FAM184B: variants seen among roughly 807,000 people sequenced by gnomAD.
The protein encoded by FAM184B is family with sequence similarity 184 member B, also known as protein FAM184B.
FAM184B carries 111 observed loss-of-function variants against 135.9 expected under a neutral mutation model. That is an observed-to-expected ratio of 0.82 (90% CI 0.70 to 0.96). The LOEUF is 0.96. Ranked by LOEUF, FAM184B falls within the 40% of genes least tolerant of loss-of-function variation. The probability of loss-of-function intolerance (pLI) is 0.00; values close to 1 mark genes in which losing one functional copy is unlikely to be tolerated. For missense variants in FAM184B, 1,375 were observed against 1,323.9 expected, an observed-to-expected ratio of 1.04 and a Z score of -0.60; for synonymous variants, 552 against 524.8, an observed-to-expected ratio of 1.05 and a Z score of -0.71.
intron 1 of FAM184B, among the ~76,000 whole-genome samples, chr4:17,771,101 C>T (rs189220624): frequency 3.3e-5 from 5 of 152,286 alleles, no homozygotes; most frequent in East Asian, 1.9e-4. Flanking sequence ...AACATTCTTG[C>T]GTCATTTCTC....
intron 1 of FAM184B, among the ~76,000 whole-genome samples, chr4:17,710,770 T>C (rs1020241405): frequency 1.3e-5 from 2 of 152,216 alleles, no homozygotes; most frequent in African/African-American, 2.4e-5. Context: ...TCTTAGGATG[T>C]TGGCCTGAGC....
At chr4:17,661,436 C>T (rs1715918614) in intron 8 of FAM184B, among the ~76,000 whole-genome samples, 1 of 152,078 alleles carries the variant, frequency 6.6e-6, no homozygotes, top group South Asian at 2.1e-4. Flanking sequence ...CCTGTAATCC[C>T]AGCTACTCTG....
intron 1 of FAM184B, among the ~76,000 whole-genome samples, chr4:17,765,641 C>T (rs76500603): frequency 0.028 from 4,314 of 152,326 alleles, 171 homozygotes; most frequent in African/African-American, 0.088. Flanking sequence ...CCTCTCTCTG[C>T]TGACACTGCC....
chr4:17,651,389 T>C (rs1715610454), intron 11 of FAM184B, among the ~76,000 whole-genome samples: 1 of 151,196 alleles, frequency 6.6e-6, no homozygotes, highest in Non-Finnish European at 1.5e-5. Flanking sequence ...TACAGAAAAA[T>C]TAGCCGGGCG....
intron 9 of FAM184B, 39 bp from the exon 10 acceptor site, chr4:17,658,601 G>C (rs547854783): frequency 5.6e-5 from 86 of 1,528,702 alleles, no homozygotes; most frequent in Non-Finnish European, 7.0e-5. Flanking sequence ...TAAGCCCCTT[G>C]CCTTTCCTGG....
At chr4:17,780,349 C>A (rs1201961362) in intron 1 of FAM184B, among the ~76,000 whole-genome samples, 1 of 152,110 alleles carries the variant, frequency 6.6e-6, no homozygotes, top group South Asian at 2.1e-4. Context: ...AGGCAAACAG[C>A]TAAATTCATC....
chr4:17,742,908 T>C (rs1471927032), intron 1 of FAM184B, among the ~76,000 whole-genome samples: 1 of 152,224 alleles, frequency 6.6e-6, no homozygotes, highest in African/African-American at 2.4e-5. Context: ...ACTGAGCTGG[T>C]TGGCACTTGA....
intron 7 of FAM184B, among the ~76,000 whole-genome samples, chr4:17,679,896 A>C (rs775856266): frequency 6.6e-6 from 1 of 152,192 alleles, no homozygotes; most frequent in Non-Finnish European, 1.5e-5. Context: ...GGAATTGGAG[A>C]CCATTATTCT....
intron 7 of FAM184B, among the ~76,000 whole-genome samples, chr4:17,684,399 A>G (rs1393155216): frequency 6.6e-6 from 1 of 152,104 alleles, no homozygotes; most frequent in Non-Finnish European, 1.5e-5. Flanking sequence ...ATGCTTTCCA[A>G]TGTATACCTT....
intron 1 of FAM184B, among the ~76,000 whole-genome samples, chr4:17,765,837 T>C (rs1718664361): frequency 6.6e-6 from 1 of 152,204 alleles, no homozygotes; most frequent in Non-Finnish European, 1.5e-5. Flanking sequence ...TCAGATGTGT[T>C]CTGAGTTTCT....
At chr4:17,699,944 A>G (rs1331040085) in intron 5 of FAM184B, among the ~76,000 whole-genome samples, 1 of 152,184 alleles carries the variant, frequency 6.6e-6, no homozygotes, top group Non-Finnish European at 1.5e-5. Context: ...ATGAAAATGT[A>G]TTATCATGAG....
chr4:17,764,894 G>T (rs911496697), intron 1 of FAM184B, among the ~76,000 whole-genome samples: 1 of 151,988 alleles, frequency 6.6e-6, no homozygotes, highest in African/African-American at 2.4e-5. Context: ...GCAAGAGCTT[G>T]TCTCTACAAA....
At chr4:17,729,584 G>C (rs1017501320) in intron 1 of FAM184B, among the ~76,000 whole-genome samples, 28 of 152,256 alleles carry the variant, frequency 1.8e-4, no homozygotes, top group Admixed American at 1.8e-3. Context: ...AGCATTTGCG[G>C]TTCACCAAGA....
intron 8 of FAM184B, among the ~76,000 whole-genome samples, chr4:17,660,812 T>C (rs1715900831): frequency 6.6e-6 from 1 of 152,032 alleles, no homozygotes; most frequent in South Asian, 2.1e-4. Context: ...CATGGTGGGG[T>C]TCTCTGGAGA....
intron 1 of FAM184B, among the ~76,000 whole-genome samples, chr4:17,725,802 A>G (rs1717625576): frequency 6.6e-6 from 1 of 152,206 alleles, no homozygotes; most frequent in African/African-American, 2.4e-5. Context: ...GTTGTGGCAT[A>G]ATGCCCTCTC....
chr4:17,772,652 C>T (rs1036586425), intron 1 of FAM184B, among the ~76,000 whole-genome samples: 1 of 152,232 alleles, frequency 6.6e-6, no homozygotes, highest in Non-Finnish European at 1.5e-5. Flanking sequence ...TAACATTCCT[C>T]TTCCCCACTG....
In FAM184B at chr4:17,632,500, A is replaced by T; in HGVS notation, c.*32T>A. On this transcript the variant is annotated 3_prime_UTR_variant, in exon 18 of 18. Transcript: ENST00000265018. ...GATGATTTAAAATAAATGTTTTTCA[A>T]GTATCCTCTGTGATGTATCCCAAAG... 1 of 1,456,546 alleles carries T rather than the reference A, an allele frequency of 6.9e-7. No homozygotes were observed. The highest frequency in any genetic ancestry group is 9.3e-7 in the Non-Finnish European group (1 of 1,069,966). The allele number at this position is 1,456,546 out of a possible 1,614,324, so 90.2% of individuals were successfully genotyped here.
intron 11 of FAM184B, 29 bp from the exon 12 acceptor site, chr4:17,647,820 G>C: frequency 6.5e-7 from 1 of 1,543,724 alleles, no homozygotes; most frequent in East Asian, 2.5e-5. Context: ...CAGTGAGTTA[G>C]GCGTTGGGTC....
At chr4:17,640,753 A>T (rs761173056) in intron 13 of FAM184B, among the ~76,000 whole-genome samples, 1 of 152,200 alleles carries the variant, frequency 6.6e-6, no homozygotes, top group Non-Finnish European at 1.5e-5. Flanking sequence ...GTCTTTAAAG[A>T]AATTGAATTT....
Sources: allele counts gnomAD v4.1 joint callset (sites outside exome capture counted in the v4.1 genomes callset), GRCh38; gene constraint gnomAD v4.1.1; transcripts MANE v1.5; gene names NCBI Gene and HGNC (gene_info 2026-07-23, HGNC 2026-07-21).